The following TMPRSS11A variants were observed in gnomAD, a reference collection of about 807,000 sequenced individuals.
TMPRSS11A encodes the protein transmembrane protease serine 11A.
TMPRSS11A carries 53 observed loss-of-function variants against 58.9 expected under a neutral mutation model. The observed-to-expected ratio is 0.90, with a 90% CI of 0.72 to 1.13. The LOEUF (loss-of-function observed/expected upper bound fraction) is 1.13. Among genes scored for constraint, TMPRSS11A ranks in the 50% most tolerant of loss-of-function variants. The pLI, the probability that TMPRSS11A is intolerant of heterozygous loss-of-function variation, is 0.00. For synonymous variants in TMPRSS11A, 167 were observed against 169.8 expected, an observed-to-expected ratio of 0.98 and a Z score of 0.13; for missense variants, 493 against 499.3, an observed-to-expected ratio of 0.99 and a Z score of 0.12.
chr4:67,912,910 G>T (rs1720024541), intron 9 of TMPRSS11A, among the ~76,000 whole-genome samples: 1 of 151,952 alleles, frequency 6.6e-6, no homozygotes, highest in African/African-American at 2.4e-5. Flanking sequence ...TATGTTTTCA[G>T]AGCTCCTATT....
intron 1 of TMPRSS11A, among the ~76,000 whole-genome samples, chr4:67,955,186 C>G (rs759983020): frequency 5.7e-4 from 87 of 152,192 alleles, no homozygotes; most frequent in Non-Finnish European, 7.8e-4. Context: ...ACAAAGTATA[C>G]TCCAGTGTGG....
At chr4:67,911,547 C>T in intron 9 of TMPRSS11A, 44 bp from the exon 10 acceptor site, 1 of 1,498,588 alleles carries the variant, frequency 6.7e-7, no homozygotes. Context: ...ATTAGCTAAA[C>T]ATAAAGCTCA....
intron 3 of TMPRSS11A, among the ~76,000 whole-genome samples, chr4:67,939,176 C>G (rs2874063): frequency 6.4e-5 from 2 of 31,292 alleles, no homozygotes; most frequent in African/African-American, 3.5e-4. Flanking sequence ...GTGTGTGTGT[C>G]GCTATTGAAA....
At position 67,919,062 on chromosome 4, in the gene TMPRSS11A, A is replaced by G. The variant is rs752327035; in HGVS notation, c.863T>C (p.Ile288Thr). ...VSSRVTFSDD[I>T]RQICLPEASA... Reference sequence around the variant, plus strand: ...GGCTTCTGGCAAACAAATCTGGCGTATGTCATCCGAAAAGGTGACTCTGGA... The same window carrying G: ...GGCTTCTGGCAAACAAATCTGGCGTGTGTCATCCGAAAAGGTGACTCTGGA... The change falls in exon 8 of 10, where the codon ATA (isoleucine) becomes ACA (threonine). Residue 288 changes from isoleucine (I) to threonine (T), a missense_variant. Transcript: ENST00000508048. 6.2e-7 allele frequency: 1 copy of G among 1,614,186 alleles called. No homozygotes were observed. Among genetic ancestry groups the G allele is most frequent in the Non-Finnish European group, 8.5e-7 (1 of 1,180,016 alleles).
At chr4:67,934,565 G>C (rs1203225927) in intron 3 of TMPRSS11A, among the ~76,000 whole-genome samples, 1 of 152,096 alleles carries the variant, frequency 6.6e-6, no homozygotes, top group Non-Finnish European at 1.5e-5. Context: ...GGCATTTCTA[G>C]AATTTTGTAG....
intron 1 of TMPRSS11A, among the ~76,000 whole-genome samples, chr4:67,953,632 C>T (rs1721214485): frequency 6.6e-6 from 1 of 152,106 alleles, no homozygotes; most frequent in Admixed American, 6.6e-5. Context: ...AACCCCGTCT[C>T]TACTAAAAAT....
At chr4:67,960,294 TA>T (rs1045285145) in intron 1 of TMPRSS11A, among the ~76,000 whole-genome samples, 2 of 152,126 alleles carry the variant, frequency 1.3e-5, no homozygotes, top group African/African-American at 4.8e-5. Flanking sequence ...TGTTGAAATT[TA>T]AAAAAATTAA....
At chr4:67,954,041 C>G (rs935763194) in intron 1 of TMPRSS11A, among the ~76,000 whole-genome samples, 2 of 152,106 alleles carry the variant, frequency 1.3e-5, no homozygotes, top group African/African-American at 4.8e-5. Context: ...AAAGGCAATT[C>G]TCTGTGGAAA....
intron 3 of TMPRSS11A, among the ~76,000 whole-genome samples, chr4:67,941,156 C>G (rs1720871913): frequency 6.6e-6 from 1 of 152,178 alleles, no homozygotes; most frequent in Non-Finnish European, 1.5e-5. Context: ...AATTTGCATT[C>G]AAATCAGTAA....
At chr4:67,950,962 T>C in intron 1 of TMPRSS11A, among the ~76,000 whole-genome samples, 1 of 152,214 alleles carries the variant, frequency 6.6e-6, no homozygotes, top group Non-Finnish European at 1.5e-5. Flanking sequence ...AGAGCCTTGG[T>C]GGGCCAAGGC....
chr4:67,957,809 C>T (rs1056080270), intron 1 of TMPRSS11A, among the ~76,000 whole-genome samples: 2 of 152,164 alleles, frequency 1.3e-5, no homozygotes, highest in African/African-American at 2.4e-5. Context: ...CTCCTCCCAT[C>T]ACAGGCCTGG....
intron 3 of TMPRSS11A, among the ~76,000 whole-genome samples, chr4:67,942,355 A>G (rs2109758962): frequency 6.6e-6 from 1 of 152,292 alleles, no homozygotes; most frequent in African/African-American, 2.4e-5. Context: ...CATGAAAGTC[A>G]TTAGTGTCCT....
intron 8 of TMPRSS11A, among the ~76,000 whole-genome samples, chr4:67,916,783 C>T (rs776456005): frequency 9.2e-5 from 14 of 151,888 alleles, no homozygotes; most frequent in Non-Finnish European, 1.8e-4. Context: ...GCCGAGATCA[C>T]GCCACTGCAC....
chr4:67,945,537 C>T (rs1200667303), intron 2 of TMPRSS11A, among the ~76,000 whole-genome samples: 1 of 152,170 alleles, frequency 6.6e-6, no homozygotes, highest in Non-Finnish European at 1.5e-5. Context: ...TGTAAAGAGA[C>T]TTTTATGCAA....
rs182760708 is a variant in TMPRSS11A at position 67,932,815 on chromosome 4, G to C, written c.253-755C>G. Among the ~76,000 whole-genome samples, 11 of 152,228 alleles carry C rather than the reference G, an allele frequency of 7.2e-5. No individual in the cohort carries two copies. The East Asian group carries it at 1.4e-3, about 19-fold the overall frequency. On this transcript the variant is annotated intron_variant, in intron 3 of 9. Coordinates refer to ENST00000508048, the MANE Select transcript of TMPRSS11A (RefSeq NM_001114387.2). The stretch of plus-strand genomic sequence containing the variant: ...GAAAAAAGAATTAGGTGGTATTCCA[G>C]TATTAGGTCAAATTTGTTACTCAGT...
At position 67,919,115 on chromosome 4, in the gene TMPRSS11A, C is replaced by A; in HGVS notation, c.810G>T (p.Glu270Asp). ...IHEKYRSAAR[E>D]YDIAVVQVSS... ...AGACCTGCACAACAGCAATGTCGTA[C>A]TCTCTTGCTGCAGAGCGGTACTTCT... The change falls in exon 8 of 10, where the codon GAG becomes GAT. Residue 270 changes from glutamate to aspartate, a missense_variant. Transcript: ENST00000508048. 1 of 1,614,180 alleles carries A rather than the reference C, an allele frequency of 6.2e-7. No homozygotes were observed. The highest frequency in any genetic ancestry group is 8.5e-7 in the Non-Finnish European group (1 of 1,180,030).
intron 4 of TMPRSS11A, 72 bp downstream of exon 4, chr4:67,931,921 A>G: frequency 1.1e-6 from 1 of 904,436 alleles, no homozygotes; most frequent in Non-Finnish European, 1.8e-6. Flanking sequence ...CATACAATAC[A>G]TGAGAGTCCC....
At chr4:67,928,999 C>A (rs1720544852) in intron 5 of TMPRSS11A, among the ~76,000 whole-genome samples, 1 of 152,152 alleles carries the variant, frequency 6.6e-6, no homozygotes. Flanking sequence ...TAATATGACA[C>A]TATAAGGAAG....
intron 1 of TMPRSS11A, among the ~76,000 whole-genome samples, chr4:67,961,947 G>T (rs1721440050): frequency 6.6e-6 from 1 of 151,964 alleles, no homozygotes; most frequent in Non-Finnish European, 1.5e-5. Flanking sequence ...GGACACTTTT[G>T]GTGCCCATAA....
Sources: allele counts gnomAD v4.1 joint callset (sites outside exome capture counted in the v4.1 genomes callset), GRCh38; gene constraint gnomAD v4.1.1; transcripts MANE v1.5; gene names NCBI Gene and HGNC (gene_info 2026-07-23, HGNC 2026-07-21).